Variants in NSRP1 observed in about 807,000 individuals in gnomAD.
NSRP1 encodes coiled-coil domain containing 55.
A neutral mutation model predicts 54.7 loss-of-function variants in NSRP1; 24 were observed. The ratio of observed to expected loss-of-function variants is 0.44; its 90% confidence interval spans 0.32 to 0.62. The LOEUF is 0.62. Ranked by LOEUF, NSRP1 falls within the 20% of genes least tolerant of loss-of-function variation. The pLI, the probability that NSRP1 is intolerant of heterozygous loss-of-function variation, is 0.06. For synonymous variants in NSRP1, 210 were observed against 213.8 expected, an observed-to-expected ratio of 0.98 and a Z score of 0.15; for missense variants, 596 against 651.2, an observed-to-expected ratio of 0.92 and a Z score of 0.92.
At chr17:30,147,495 C>T (rs1046575005) in intron 2 of NSRP1, among the ~76,000 whole-genome samples, 15 of 151,556 alleles carry the variant, frequency 9.9e-5, no homozygotes, top group African/African-American at 1.7e-4. Flanking sequence ...GATGGAGTCT[C>T]GCTCTGTTGC....
chr17:30,154,025 A>G (rs564131012), intron 2 of NSRP1, among the ~76,000 whole-genome samples: 2 of 152,264 alleles, frequency 1.3e-5, no homozygotes, highest in South Asian at 2.1e-4. Context: ...AAAAGATAAT[A>G]TTAGGGCCAG....
At chr17:30,122,439 T>G (rs932432159) in intron 2 of NSRP1, 1 of 124,058 alleles carries the variant, frequency 8.1e-6, no homozygotes, top group African/African-American at 3.0e-5. Context: ...GGAGTTTTAC[T>G]CTTCACCCAG....
intron 2 of NSRP1, among the ~76,000 whole-genome samples, chr17:30,138,035 C>G (rs201017218): frequency 6.6e-6 from 1 of 152,144 alleles, no homozygotes; most frequent in East Asian, 1.9e-4. Flanking sequence ...CTGCCCAGCC[C>G]TTAGCAACCA....
At chr17:30,130,713 A>T (rs901069576) in intron 2 of NSRP1, among the ~76,000 whole-genome samples, 1 of 152,178 alleles carries the variant, frequency 6.6e-6, no homozygotes, top group Non-Finnish European at 1.5e-5. Context: ...TGGAGAGTAT[A>T]TAGCCTTTTT....
chr17:30,164,004 C>A (rs1224856464), intron 2 of NSRP1, among the ~76,000 whole-genome samples: 1 of 151,582 alleles, frequency 6.6e-6, no homozygotes, highest in East Asian at 1.9e-4. Flanking sequence ...CATTTTTACC[C>A]CTTATAATGT....
intron 3 of NSRP1, among the ~76,000 whole-genome samples, chr17:30,176,127 G>A (rs555599982): frequency 5.3e-5 from 8 of 150,982 alleles, no homozygotes; most frequent in Admixed American, 5.3e-4. Context: ...GTTTTGTTTT[G>A]TTTTGTCTGT....
intron 2 of NSRP1, among the ~76,000 whole-genome samples, chr17:30,134,956 G>C (rs2151883385): frequency 6.6e-6 from 1 of 152,068 alleles, no homozygotes; most frequent in East Asian, 1.9e-4. Flanking sequence ...AGGAGATTAG[G>C]CTATATTTAA....
At chr17:30,148,311 A>G (rs2071875762) in intron 2 of NSRP1, among the ~76,000 whole-genome samples, 1 of 152,220 alleles carries the variant, frequency 6.6e-6, no homozygotes, top group Non-Finnish European at 1.5e-5. Flanking sequence ...AGTAAACTCA[A>G]TTCACTAAAA....
At chr17:30,156,078 G>C (rs1394788938) in intron 2 of NSRP1, among the ~76,000 whole-genome samples, 1 of 152,016 alleles carries the variant, frequency 6.6e-6, no homozygotes, top group Admixed American at 6.5e-5. Context: ...AACCTCAAGC[G>C]ATCTGCCCGC....
In NSRP1 at chr17:30,179,110, G is replaced by A; in HGVS notation, c.321G>A (p.Leu107=). ...KDRKPKYIHN[L]LKAVEIRKKE... ...CTTAGCCCAAGTATATTCACAACTT[G>A]CTAAAAGCAGTTGAGATCAGAAAAA... The change falls in exon 5 of 7, where the codon TTG becomes TTA. Residue 107 remains leucine, a synonymous_variant. Transcript: ENST00000247026. 1 of 1,583,266 alleles carries A rather than the reference G, an allele frequency of 6.3e-7. No homozygotes were observed. Among genetic ancestry groups the A allele is most frequent in the Non-Finnish European group, 8.6e-7 (1 of 1,162,636 alleles).
At chr17:30,179,058 A>G (rs755515605) in intron 4 of NSRP1, 32 bp from the exon 5 acceptor site, 1 of 1,300,138 alleles carries the variant, frequency 7.7e-7, no homozygotes, top group Non-Finnish European at 1.0e-6. Context: ...CTATTTTTTT[A>G]CTCTTTTCCT....
chr17:30,116,848 C>T lies in NSRP1; in HGVS notation c.5C>T (p.Ala2Val). The T allele has an allele frequency of 6.3e-7, 1 of 1,575,370 alleles. No individual in the cohort carries two copies. Among genetic ancestry groups the T allele is most frequent in the Admixed American group, 1.9e-5 (1 of 53,868 alleles). M[A>V]IPGRQYGLIL... ...TTCAGCGGACACGGGAGCAAGATGGCGATTCCGGGCAGGCAGTGAGTGATC... is the reference window on the plus strand; with the variant it reads ...TTCAGCGGACACGGGAGCAAGATGGTGATTCCGGGCAGGCAGTGAGTGATC... The change falls in exon 1 of 7, where the codon GCG becomes GTG. Residue 2 changes from alanine (A) to valine (V), a missense_variant. Ala to Val is a moderately conservative substitution (Grantham distance 64). Transcript: ENST00000247026.
rs767376843 is a variant in NSRP1 at position 30,179,297 on chromosome 17, G to A, written c.508G>A (p.Ala170Thr). Residue 170 changes from alanine to threonine, a missense_variant and splice_region_variant, in exon 5 of 7, where the codon GCA becomes ACA. By Grantham distance (58) the Ala-to-Thr change is moderately conservative. Transcript: ENST00000247026. Reference sequence around the variant, plus strand: ...AGAAAAGAGGGCTGCTGCACTGGAAGGTAAAATGAAAGAGTGGGAAAGGCA... The same window carrying A: ...AGAAAAGAGGGCTGCTGCACTGGAAAGTAAAATGAAAGAGTGGGAAAGGCA... ...EREKRAAALE[A>T]CLDVTKQKDL... is the part of the protein sequence containing the mutation. 1.9e-6 allele frequency: 3 copies of A among 1,555,184 alleles called. No individual in the cohort carries two copies. Among genetic ancestry groups the A allele is most frequent in the Non-Finnish European group, 1.7e-6 (2 of 1,152,514 alleles).
At chr17:30,141,096 A>G (rs1413511343) in intron 2 of NSRP1, among the ~76,000 whole-genome samples, 1 of 152,254 alleles carries the variant, frequency 6.6e-6, no homozygotes, top group Non-Finnish European at 1.5e-5. Context: ...GATTATAAGC[A>G]TCAGCCACCA....
At chr17:30,161,725 G>A (rs1005360448) in intron 2 of NSRP1, among the ~76,000 whole-genome samples, 6 of 152,118 alleles carry the variant, frequency 3.9e-5, no homozygotes, top group Non-Finnish European at 7.4e-5. Context: ...TGGATAGGAA[G>A]TATAATTTTT....
intron 2 of NSRP1, 118 bp downstream of exon 2, chr17:30,118,291 CAGAAT>C: frequency 1.5e-6 from 1 of 652,842 alleles, no homozygotes; most frequent in South Asian, 2.7e-5. Context: ...GTATAATTTA[CAGAAT>C]TGTCAAAAAG....
In NSRP1 at chr17:30,178,214, A is replaced by G. The variant is rs372316094; in HGVS notation, c.300+15A>G. The G allele has an allele frequency of 1.6e-4, 252 of 1,587,224 alleles. No individual in the cohort carries two copies. The highest frequency in any genetic ancestry group is 2.0e-4 in the Non-Finnish European group (231 of 1,173,478). On this transcript the variant is annotated intron_variant, in intron 4 of 6. Transcript: ENST00000247026. ...AAGACAGAAAGGTTTGTAAGCTGAAATAACAAACTTTCTTTGACCTTGACC... is the reference window on the plus strand; with the variant it reads ...AAGACAGAAAGGTTTGTAAGCTGAAGTAACAAACTTTCTTTGACCTTGACC...
At position 30,180,936 on chromosome 17, in the gene NSRP1, T is replaced by G. The variant is rs752020771; in HGVS notation, c.537T>G (p.Asp179Glu). 1 of 1,613,360 alleles carries G rather than the reference T, an allele frequency of 6.2e-7. No individual in the cohort carries two copies. Among genetic ancestry groups the G allele is most frequent in the South Asian group, 1.1e-5 (1 of 91,062 alleles). The change falls in exon 6 of 7, where the codon GAT (aspartate) becomes GAG (glutamate). Residue 179 changes from aspartate (D) to glutamate (E), a missense_variant. Transcript: ENST00000247026. The stretch of plus-strand genomic sequence containing the variant: ...GTTTGGATGTAACCAAGCAGAAAGA[T>G]CTCAGTGGATTTTATAGGCACCTAT... Reference protein sequence around the residue: ...EACLDVTKQKDLSGFYRHLLN... With the variant: ...EACLDVTKQKELSGFYRHLLN...
At position 30,180,833 on chromosome 17, in the gene NSRP1, A is replaced by G. The variant is rs1428955847; in HGVS notation, c.509-75A>G. On this transcript the variant is annotated intron_variant, in intron 5 of 6. Coordinates refer to ENST00000247026, the MANE Select transcript of NSRP1 (RefSeq NM_032141.4). ...GAGTAGTTTACACACTGTATGTTAT[A>G]TACTGTATGTCTGTAAAATGAAACT... is the stretch of plus-strand genomic sequence containing the variant. 48 of 940,160 alleles carry G rather than the reference A, an allele frequency of 5.1e-5. 1 individual carries two copies. The South Asian group carries it at 6.2e-4, about 12-fold the overall frequency. The allele number at this position is 940,160 out of a possible 1,614,324, so 58.2% of individuals were successfully genotyped here. A position where few individuals can be genotyped will look rare whatever the true frequency, so the allele number is the denominator to read the frequency against.
Sources: allele counts gnomAD v4.1 joint callset (sites outside exome capture counted in the v4.1 genomes callset), GRCh38; gene constraint gnomAD v4.1.1; transcripts MANE v1.5; gene names NCBI Gene and HGNC (gene_info 2026-07-23, HGNC 2026-07-21).